Variants in MPP3 observed in about 807,000 individuals in gnomAD.
MPP3 encodes MAGUK p55 scaffold protein 3, also known as MAGUK p55 subfamily member 3.
In MPP3, 48 loss-of-function variants were observed where a neutral mutation model predicts 80.7. The observed-to-expected ratio is 0.59, with a 90% confidence interval of 0.47 to 0.76. The LOEUF is 0.76. MPP3 is among the 30% of genes least tolerant of loss of function. MPP3 has a pLI of 0.00. For synonymous variants in MPP3, 311 were observed against 297.6 expected, an observed-to-expected ratio of 1.04 and a Z score of -0.46; for missense variants, 620 against 763.0, an observed-to-expected ratio of 0.81 and a Z score of 2.21.
rs753820458 is a variant in MPP3 at position 43,814,219 on chromosome 17, C to A, written c.1152G>T (p.Arg384=). The A allele has an allele frequency of 1.2e-5, 19 of 1,613,384 alleles. No individual in the cohort carries two copies. The highest frequency in any genetic ancestry group is 1.6e-5 in the Non-Finnish European group (19 of 1,179,850). ...VARYQHQPGE[R]PRLVVLIGSL... is the part of the protein sequence containing the mutation. Reference sequence around the variant, plus strand: ...TACCGATCAGAACCACCAGGCGGGGCCGCTCTCCGGGCTGGTGTTGGTACC... The same window carrying A: ...TACCGATCAGAACCACCAGGCGGGGACGCTCTCCGGGCTGGTGTTGGTACC... Residue 384 remains arginine, a synonymous_variant, in exon 15 of 20, where the codon CGG becomes CGT. Coordinates refer to ENST00000398389, the MANE Select transcript of MPP3 (RefSeq NM_001932.6).
At chr17:43,807,493 A>AT (rs1216191461) in intron 19 of MPP3, among the ~76,000 whole-genome samples, 1 of 149,086 alleles carries the variant, frequency 6.7e-6, no homozygotes, top group Non-Finnish European at 1.5e-5. Flanking sequence ...AATTTTTGTA[A>AT]TTTTTTTGTA....
At chr17:43,827,941 A>G (rs2045793526) in intron 7 of MPP3, 109 bp from the exon 8 acceptor site, 1 of 1,008,120 alleles carries the variant, frequency 9.9e-7, no homozygotes, top group Non-Finnish European at 1.5e-6. Context: ...GACAGTCCAG[A>G]GAGATCAGTG....
chr17:43,829,839 G>C, intron 6 of MPP3, 48 bp from the exon 7 acceptor site: 1 of 1,611,782 alleles, frequency 6.2e-7, no homozygotes, highest in Non-Finnish European at 8.5e-7. Flanking sequence ...CGCTCACAGG[G>C]TCAGCAGGCC....
chr17:43,829,931 C>T (rs771239847), intron 6 of MPP3, 96 bp downstream of exon 6: 1 of 1,548,668 alleles, frequency 6.5e-7, no homozygotes, highest in Non-Finnish European at 8.8e-7. Context: ...GGATCGCTCC[C>T]TCAGTCTCCA....
At chr17:43,827,226 G>A (rs1366017108) in intron 8 of MPP3, among the ~76,000 whole-genome samples, 1 of 151,980 alleles carries the variant, frequency 6.6e-6, no homozygotes, top group African/African-American at 2.4e-5. Flanking sequence ...GTGTGGGTCA[G>A]GCTGGTCTCG....
chr17:43,813,537 C>T (rs550806533), intron 16 of MPP3, among the ~76,000 whole-genome samples: 1 of 152,252 alleles, frequency 6.6e-6, no homozygotes, highest in South Asian at 2.1e-4. Flanking sequence ...GGAGGCATCA[C>T]CCAGGAATGT....
intron 7 of MPP3, among the ~76,000 whole-genome samples, chr17:43,828,627 A>G (rs1043606451): frequency 3.3e-5 from 5 of 152,378 alleles, no homozygotes; most frequent in Admixed American, 6.5e-5. Context: ...AGCACTCAAC[A>G]TATGTTAACC....
rs757535235 is a variant in MPP3, at chr17:43,816,653, A to G, written c.967+24T>C. 3 of 1,566,904 alleles carry G rather than the reference A, an allele frequency of 1.9e-6. No individual in the cohort carries two copies. The South Asian group carries it at 3.5e-5, about 18-fold the overall frequency. ...CACGGAAAAGGGGCCACGCCTGTGG[A>G]CAGCGGATAGATACTGGGCCTACCT... On this transcript the variant is annotated intron_variant, in intron 13 of 19. Transcript: ENST00000398389.
Position 43,814,298 on chromosome 17 carries a change from T to C in MPP3, c.1073A>G (p.Lys358Arg). ...RERLGGSQEG[K>R]MSSGAESPEL... ...CGGAGACTCAGCTCCGGAGGACATC[T>C]TTCCTTCCTGCGAGCCACCCAGTCT... The change falls in exon 15 of 20, where the codon AAG (lysine) becomes AGG (arginine). Residue 358 changes from lysine (K) to arginine (R), a missense_variant. By Grantham distance (26) the Lys-to-Arg change is conservative. Coordinates refer to ENST00000398389, the MANE Select transcript of MPP3 (RefSeq NM_001932.6). 5.6e-6 allele frequency: 9 copies of C among 1,612,256 alleles called. No homozygotes were observed. The highest frequency in any genetic ancestry group is 7.6e-6 in the Non-Finnish European group (9 of 1,179,942).
At position 43,820,806 on chromosome 17, in the gene MPP3, G is replaced by A. The variant is rs2045416028; in HGVS notation, c.881+56C>T. On this transcript the variant is annotated intron_variant, in intron 11 of 19. Transcript: ENST00000398389. ...GGGCAGAGACTTGGGGGTCTGCCAT[G>A]TACCTGTGCCTCTGCCACTCTGGAA... 5.2e-6 allele frequency: 8 copies of A among 1,549,742 alleles called. No individual in the cohort carries two copies. The East Asian group carries it at 1.6e-4, about 31-fold the overall frequency.
chr17:43,832,347 G>A (rs1023991686), intron 2 of MPP3: 1 of 228,688 alleles, frequency 4.4e-6, no homozygotes, highest in Non-Finnish European at 8.5e-6. Flanking sequence ...CCTCCGCAGC[G>A]CGCCCCCTCC....
intron 7 of MPP3, 60 bp from the exon 8 acceptor site, chr17:43,827,892 C>G (rs959041439): frequency 6.6e-7 from 1 of 1,519,804 alleles, no homozygotes. Context: ...CAGACCCCTA[C>G]TCTCTGGACC....
intron 16 of MPP3, 109 bp downstream of exon 16, chr17:43,813,902 T>G (rs1437663489): frequency 3.2e-6 from 3 of 928,174 alleles, no homozygotes; most frequent in Non-Finnish European, 3.2e-6. Context: ...CAGTGCCTGG[T>G]GATCCTTTAA....
chr17:43,813,713 GC>G, intron 16 of MPP3, among the ~76,000 whole-genome samples: 1 of 152,232 alleles, frequency 6.6e-6, no homozygotes, highest in Non-Finnish European at 1.5e-5. Context: ...TACTGTGGGG[GC>G]CCCGTGGTGT....
intron 9 of MPP3, 199 bp downstream of exon 9, chr17:43,825,557 G>A (rs2045654984): frequency 3.6e-6 from 2 of 556,120 alleles, no homozygotes; most frequent in Admixed American, 3.0e-5. Flanking sequence ...AAGAGAGGCA[G>A]ATGGAAGGGA....
chr17:43,831,889 C>T lies in MPP3; in HGVS notation c.18G>A (p.Glu6=). MPVLS[E]DSGLHETLAL... ...CCGGGGGGAGGTACTTACCAGAGTC[C>T]TCCGATAGCACTGGCATGCTGGCGT... Residue 6 remains glutamate (E), a synonymous_variant, in exon 3 of 20, where the codon GAG becomes GAA. Coordinates refer to ENST00000398389, the MANE Select transcript of MPP3 (RefSeq NM_001932.6). 1 of 1,611,098 alleles carries T rather than the reference C, an allele frequency of 6.2e-7. No homozygotes were observed. The highest frequency in any genetic ancestry group is 8.5e-7 in the Non-Finnish European group (1 of 1,179,112).
chr17:43,832,942 G>A (rs1316925647), intron 1 of MPP3, 123 bp from the exon 2 acceptor site: 2 of 152,586 alleles, frequency 1.3e-5, no homozygotes, highest in African/African-American at 2.4e-5. Context: ...GGCGCGGGAA[G>A]AGGGAGGCGG....
In MPP3 at chr17:43,809,096, G is replaced by C. The variant is rs73985112; in HGVS notation, c.1459-18C>G. ...TTCAGTGCCTGAGAAAGAAAGTTCA[G>C]GAATATTATATACTTTTGAAGTGTT... On this transcript the variant is annotated intron_variant, in intron 18 of 19. Coordinates refer to ENST00000398389, the MANE Select transcript of MPP3 (RefSeq NM_001932.6). 1,562 of 1,576,176 alleles carry C rather than the reference G, an allele frequency of 9.9e-4. 13 individuals are homozygous for C. In the African/African-American group the frequency reaches 0.019, roughly 19 times the overall value.
At chr17:43,815,861 C>A in intron 14 of MPP3, 177 bp downstream of exon 14, 1 of 700,052 alleles carries the variant, frequency 1.4e-6, no homozygotes, top group Non-Finnish European at 2.4e-6. Context: ...GGCCCAATGC[C>A]TGGGCAGGCT....
Sources: allele counts gnomAD v4.1 joint callset (sites outside exome capture counted in the v4.1 genomes callset), GRCh38; gene constraint gnomAD v4.1.1; transcripts MANE v1.5; gene names NCBI Gene and HGNC (gene_info 2026-07-23, HGNC 2026-07-21).